Variants in CES3 observed in about 807,000 individuals in gnomAD.
CES3 encodes carboxylesterase 3, also known as carboxylesterase 3 (brain).
In CES3, 49 loss-of-function variants were observed where a neutral mutation model predicts 57.6. The observed-to-expected ratio is 0.85, with a 90% CI of 0.68 to 1.08. The LOEUF is 1.08. Among genes scored for constraint, CES3 ranks in the 50% least tolerant of loss-of-function variants. The pLI is 0.00. For missense variants in CES3, 645 were observed against 742.0 expected (o/e 0.87, Z 1.52); for synonymous variants, 266 against 281.6 (o/e 0.94, Z 0.55).
At position 66,963,759 on chromosome 16, in the gene CES3, T is replaced by A; in HGVS notation, c.427-43T>A. 1 of 1,609,576 alleles carries A rather than the reference T, an allele frequency of 6.2e-7. No individual in the cohort carries two copies. On this transcript the variant is annotated intron_variant, in intron 3 of 12. Coordinates refer to ENST00000303334, the MANE Select transcript of CES3 (RefSeq NM_024922.6). This position sits in a 1 kb window ranked among gnomAD's most constrained non-coding sequence, Gnocchi z 4.9. ...TGGGCTGGCAGGTGGGCAGCTAAGG[T>A]CTCAGGAGCTTGGGGGTCAGTGCCC...
At chr16:66,968,161 T>C (rs1212408440) in intron 8 of CES3, among the ~76,000 whole-genome samples, 2 of 152,130 alleles carry the variant, frequency 1.3e-5, no homozygotes, top group African/African-American at 2.4e-5. Context: ...TTTGTTTGTT[T>C]GTTTGTTTTG....
Position 66,964,698 on chromosome 16 carries a change from A to G in CES3, c.790A>G (p.Ile264Val), listed in dbSNP as rs1567555949. Residue 264 changes from isoleucine to valine, a missense_variant, in exon 6 of 13, where the codon ATC becomes GTC. Physicochemically the swap from Ile to Val is conservative, Grantham distance 29 (BLOSUM62 3). Transcript: ENST00000303334. ...QSGVITTPGI[I>V]DSHPWPLAQK... ...TGGGGTCATCACCACCCCAGGGATC[A>G]TCGACTCTCACCCTTGGCCCCTAGC... The G allele has an allele frequency of 6.2e-7, 1 of 1,614,022 alleles. No homozygotes were observed. The highest frequency in any genetic ancestry group is 8.5e-7 in the Non-Finnish European group (1 of 1,179,972).
intron 9 of CES3, 28 bp from the exon 10 acceptor site, chr16:66,971,144 C>G (rs1171414746): frequency 6.2e-7 from 1 of 1,600,022 alleles, no homozygotes; most frequent in Admixed American, 1.7e-5. Context: ...GCACCCTGAG[C>G]AGGGCTGAGC....
intron 9 of CES3, 79 bp downstream of exon 9, chr16:66,969,838 C>G: frequency 7.8e-7 from 1 of 1,277,032 alleles, no homozygotes; most frequent in South Asian, 1.3e-5. Context: ...AGCACAGTCT[C>G]TGCCCCTACC....
In CES3 at chr16:66,964,449, G is replaced by T. The variant is rs754502482; in HGVS notation, c.653G>T (p.Gly218Val). Reference protein sequence around the residue: ...WVQENIAPFGGDLNCVTVFGG... With the variant: ...WVQENIAPFGVDLNCVTVFGG... ...CAAGAAAACATCGCCCCCTTCGGGG[G>T]TGACCTCAACTGTGTCACTGTCTTT... Residue 218 changes from glycine to valine, a missense_variant, in exon 5 of 13, where the codon GGT becomes GTT. Transcript: ENST00000303334. The T allele has an allele frequency of 1.2e-6, 2 of 1,614,158 alleles. No homozygotes were observed. Among genetic ancestry groups the T allele is most frequent in the Non-Finnish European group, 1.7e-6 (2 of 1,180,002 alleles).
At position 66,966,603 on chromosome 16, in the gene CES3, T is replaced by C. The variant is rs1377045291; in HGVS notation, c.922-122T>C. 4.6e-6 allele frequency: 6 copies of C among 1,296,820 alleles called. No homozygotes were observed. The Admixed American group carries it at 1.1e-4, about 25-fold the overall frequency. The allele number at this position is 1,296,820 out of a possible 1,614,324, so 80.3% of individuals were successfully genotyped here. On this transcript the variant is annotated intron_variant, in intron 7 of 12. Transcript: ENST00000303334. ...CCCGACCCCCTTAACCCTGGTGATCTTCATCCCTTCACTTTCCCTCCAGGC... is the reference window on the plus strand; with the variant it reads ...CCCGACCCCCTTAACCCTGGTGATCCTCATCCCTTCACTTTCCCTCCAGGC...
Position 66,964,485 on chromosome 16 carries a change from C to G in CES3, c.689C>G (p.Ala230Gly), listed in dbSNP as rs201442270. ...TGTGTCACTGTCTTTGGTGGATCTG[C>G]CGGTGGGAGCATCATCTCTGGCCTG... Reference protein sequence around the residue: ...LNCVTVFGGSAGGSIISGLVL... With the variant: ...LNCVTVFGGSGGGSIISGLVL... Residue 230 changes from alanine (A) to glycine (G), a missense_variant, in exon 5 of 13, where the codon GCC becomes GGC. Coordinates refer to ENST00000303334, the MANE Select transcript of CES3 (RefSeq NM_024922.6). 1.4e-5 allele frequency: 22 copies of G among 1,613,966 alleles called. No individual in the cohort carries two copies. Among genetic ancestry groups the G allele is most frequent in the Middle Eastern group, 1.6e-4 (1 of 6,082 alleles).
intron 8 of CES3, chr16:66,967,669 C>T (rs1963755455): frequency 1.0e-6 from 1 of 983,194 alleles, no homozygotes; most frequent in African/African-American, 1.8e-5. Flanking sequence ...TCACAGCAAT[C>T]ATTTTCTTCA....
In CES3 at chr16:66,974,949, G is replaced by C. The variant is rs1289450443; in HGVS notation, c.*1900G>C. Reference sequence around the variant, plus strand: ...AACCTTTGTGTCTAGCTCAGGGATCGTAAACGCACCAATCAGCACCCTGTC... The same window carrying C: ...AACCTTTGTGTCTAGCTCAGGGATCCTAAACGCACCAATCAGCACCCTGTC... On this transcript the variant is annotated 3_prime_UTR_variant, in exon 13 of 13. Transcript: ENST00000303334. 3 of 152,194 alleles carry C rather than the reference G, an allele frequency of 2.0e-5. No individual in the cohort carries two copies. Among genetic ancestry groups the C allele is most frequent in the Non-Finnish European group, 4.4e-5 (3 of 68,066 alleles). 9.4% of individuals were successfully genotyped at this position (152,194 alleles called of 1,614,324 possible).
At chr16:66,971,366 A>G in intron 10 of CES3, 47 bp downstream of exon 10, 1 of 1,589,128 alleles carries the variant, frequency 6.3e-7, no homozygotes, top group East Asian at 2.2e-5. Flanking sequence ...ACTTGGGCCC[A>G]GGAGCTGGGT....
In CES3 at chr16:66,965,630, GGAGA is replaced by G. The variant is rs551285648; in HGVS notation, c.820-611_820-608del. Among the ~76,000 whole-genome samples the G allele has an allele frequency of 1.2e-3, 188 of 152,308 alleles. 3 individuals are homozygous for G. In the East Asian group the frequency reaches 0.013, roughly 10 times the overall value. On this transcript the variant is annotated intron_variant, in intron 6 of 12. Transcript: ENST00000303334. ...CCATCCCATCCTCTCCCCATGGCCAGGAGAGATTTTCTCAACCACAGACTTGAGG... is the reference window on the plus strand; with the variant it reads ...CCATCCCATCCTCTCCCCATGGCCAGGATTTTCTCAACCACAGACTTGAGG...
In CES3 at chr16:66,973,464, GC is replaced by G. The variant is rs1963880054; in HGVS notation, c.*417del. ...AGGAGCTCTCTCAAAATGGGGATTA[GC>G]CTAACCCCACTCTGTCACCCACACC... On this transcript the variant is annotated 3_prime_UTR_variant, in exon 13 of 13. Coordinates refer to ENST00000303334, the MANE Select transcript of CES3 (RefSeq NM_024922.6). 1 of 168,478 alleles carries G rather than the reference GC, an allele frequency of 5.9e-6. No individual in the cohort carries two copies. Among genetic ancestry groups the G allele is most frequent in the African/African-American group, 2.4e-5 (1 of 41,942 alleles). 10.4% of individuals were successfully genotyped at this position (168,478 alleles called of 1,614,324 possible).
rs182464715 is a variant in CES3, at chr16:66,964,404, T to C, written c.608T>C (p.Val203Ala). Reference sequence around the variant, plus strand: ...GGCAACCAGGGCTTCCTAGATGTGGTAGCTGCTTTGCGCTGGGTGCAAGAA... The same window carrying C: ...GGCAACCAGGGCTTCCTAGATGTGGCAGCTGCTTTGCGCTGGGTGCAAGAA... ...APGNQGFLDVVAALRWVQENI... is the reference protein window; with the variant it reads ...APGNQGFLDVAAALRWVQENI... Residue 203 changes from valine (V) to alanine (A), a missense_variant, in exon 5 of 13, where the codon GTA (valine) becomes GCA (alanine). Transcript: ENST00000303334. 1.9e-6 allele frequency: 3 copies of C among 1,613,976 alleles called. No individual in the cohort carries two copies. Among genetic ancestry groups the C allele is most frequent in the Non-Finnish European group, 2.5e-6 (3 of 1,179,996 alleles).
At chr16:66,964,239 C>A in intron 4 of CES3, 118 bp from the exon 5 acceptor site, 1 of 1,380,096 alleles carries the variant, frequency 7.2e-7, no homozygotes, top group Non-Finnish European at 9.8e-7. Flanking sequence ...GGCTCCCAGA[C>A]AGGCCAGACC....
At chr16:66,964,225 C>T (rs932295948) in intron 4 of CES3, 132 bp from the exon 5 acceptor site, 3 of 1,284,434 alleles carry the variant, frequency 2.3e-6, no homozygotes, top group Admixed American at 2.5e-5. Context: ...GAGATGCCAA[C>T]CACGGCTCCC....
chr16:66,966,675 T>C (rs370571789), intron 7 of CES3, 50 bp from the exon 8 acceptor site: 7 of 1,610,922 alleles, frequency 4.3e-6, no homozygotes, highest in Non-Finnish European at 1.7e-6. Context: ...GTCCTAGCCT[T>C]TGAGGCTTGG....
rs922078978 is a variant in CES3 at position 66,964,716 on chromosome 16, C to G, written c.808C>G (p.Pro270Ala). The G allele has an allele frequency of 1.2e-6, 2 of 1,613,526 alleles. No homozygotes were observed. The highest frequency in any genetic ancestry group is 1.7e-6 in the Non-Finnish European group (2 of 1,179,646). Residue 270 changes from proline (P) to alanine (A), a missense_variant, in exon 6 of 13, where the codon CCC (proline) becomes GCC (alanine). Physicochemically the swap from Pro to Ala is conservative, Grantham distance 27. Transcript: ENST00000303334. ...TPGIIDSHPW[P>A]LAQKIANTLA... ...AGGGATCATCGACTCTCACCCTTGG[C>G]CCCTAGCTCAGGTCTGTATTTCCTT...
chr16:66,972,783 G>A (rs1172176075), intron 12 of CES3, 37 bp downstream of exon 12: 1 of 1,613,998 alleles, frequency 6.2e-7, no homozygotes, highest in African/African-American at 1.3e-5. Flanking sequence ...CTTTGGGCCT[G>A]GGATGCTCAG....
chr16:66,962,760 T>C (rs1334955934), intron 1 of CES3, among the ~76,000 whole-genome samples: 2 of 152,046 alleles, frequency 1.3e-5, no homozygotes, highest in Non-Finnish European at 2.9e-5. Context: ...AGCCAGGCGT[T>C]GTGGTGCACA....
Sources: allele counts gnomAD v4.1 joint callset (sites outside exome capture counted in the v4.1 genomes callset), GRCh38; gene constraint gnomAD v4.1.1; non-coding constraint Gnocchi (gnomAD v3.1); transcripts MANE v1.5; gene names NCBI Gene and HGNC (gene_info 2026-07-23, HGNC 2026-07-21).